DZANK1: variants seen among roughly 807,000 people sequenced by gnomAD.
DZANK1 encodes double zinc ribbon and ankyrin repeat-containing protein 1.
Under a neutral mutation model 94.5 loss-of-function variants are expected in DZANK1, and 91 were observed. The observed-to-expected ratio is 0.96, with a 90% CI of 0.81 to 1.15. The LOEUF (loss-of-function observed/expected upper bound fraction) is 1.15, where lower values mean the gene tolerates loss of function less well. Ranked by LOEUF, DZANK1 falls within the 50% of genes most tolerant of loss-of-function variation. The probability of loss-of-function intolerance (pLI) is 0.00; values close to 1 mark genes in which losing one functional copy is unlikely to be tolerated. For synonymous variants in DZANK1, 312 were observed against 325.3 expected, an observed-to-expected ratio of 0.96 and a Z score of 0.44; for missense variants, 903 against 916.4, an observed-to-expected ratio of 0.99 and a Z score of 0.19.
In DZANK1 at chr20:18,433,930, A is replaced by G. The variant is rs114347308; in HGVS notation, c.748-165T>C. 1.4e-3 allele frequency: 792 copies of G among 572,552 alleles called. 7 individuals are homozygous for G. Among genetic ancestry groups the G allele is most frequent in the African/African-American group, 0.012 (662 of 53,678 alleles). The allele number at this position is 572,552 out of a possible 1,614,324, so 35.5% of individuals were successfully genotyped here. A position where few individuals can be genotyped will look rare whatever the true frequency, so the allele number is the denominator to read the frequency against. On this transcript the variant is annotated intron_variant, in intron 8 of 20. Transcript: ENST00000262547. The stretch of plus-strand genomic sequence containing the variant: ...GGCTTGGTTAGTACTTGGTGGAAGA[A>G]TGTAAAGTTTGATTTGTTTTTGTAA...
intron 13 of DZANK1, among the ~76,000 whole-genome samples, chr20:18,399,720 T>C (rs2056567460): frequency 6.6e-6 from 1 of 152,186 alleles, no homozygotes; most frequent in Non-Finnish European, 1.5e-5. Flanking sequence ...TGGTGCCCGG[T>C]TTCTCATATG....
intron 18 of DZANK1, 47 bp from the exon 19 acceptor site, chr20:18,389,875 A>G (rs779343677): frequency 2.2e-5 from 35 of 1,608,428 alleles, no homozygotes; most frequent in African/African-American, 4.0e-5. Flanking sequence ...CCCTGCACTC[A>G]ACAGCATCCA....
In DZANK1 at chr20:18,420,005, C is replaced by A. The variant is rs369935256; in HGVS notation, c.955-4556G>T. On this transcript the variant is annotated intron_variant, in intron 10 of 20. Transcript: ENST00000262547. ...CACCTTTCTAGCCAATTGTACTCTG[C>A]AGAAAACATGCAGCTTCTCTGACAT... Among the ~76,000 whole-genome samples, 20 of 151,962 alleles carry A rather than the reference C, an allele frequency of 1.3e-4. 1 individual carries two copies. The East Asian group carries it at 1.7e-3, about 13-fold the overall frequency.
rs4814747 is a variant in DZANK1, at chr20:18,426,582, C to T, written c.954+485G>A. On this transcript the variant is annotated intron_variant, in intron 10 of 20. Coordinates refer to ENST00000262547, the Ensembl canonical transcript of DZANK1. ...TTATAAACATAAAATAGATCATCACCGTATTTAAAGTGCATATACTCGTAT... is the reference window on the plus strand; with the variant it reads ...TTATAAACATAAAATAGATCATCACTGTATTTAAAGTGCATATACTCGTAT... Among the ~76,000 whole-genome samples, 365 of 152,202 alleles carry T rather than the reference C, an allele frequency of 2.4e-3. 5 individuals are homozygous for T. Among genetic ancestry groups the T allele is most frequent in the Admixed American group, 0.02 (303 of 15,276 alleles).
chr20:18,389,611 G>T, intron 19 of DZANK1, 90 bp downstream of exon 19: 1 of 1,530,426 alleles, frequency 6.5e-7, no homozygotes, highest in Non-Finnish European at 8.9e-7. Context: ...AACTGAACAG[G>T]GTGTGTGTGT....
At chr20:18,460,491 A>G (rs575856835) in intron 2 of DZANK1, among the ~76,000 whole-genome samples, 185 bp from the exon 3 acceptor site, 87 of 152,348 alleles carry the variant, frequency 5.7e-4, no homozygotes, top group African/African-American at 2.0e-3. Flanking sequence ...GCACTTTGGG[A>G]GGCCGAGGCG....
At chr20:18,398,212 T>A (rs1044775319) in intron 14 of DZANK1, 5 of 353,208 alleles carry the variant, frequency 1.4e-5, no homozygotes, top group Non-Finnish European at 2.7e-5. Context: ...AAGTGCACGA[T>A]CTGGATGGAT....
At chr20:18,412,972 A>T (rs1386693497) in intron 12 of DZANK1, 119 bp from the exon 13 acceptor site, 36 of 962,842 alleles carry the variant, frequency 3.7e-5, no homozygotes, top group Non-Finnish European at 5.0e-5. Flanking sequence ...GTGTACTTGG[A>T]ACTAATAGGG....
intron 2 of DZANK1, among the ~76,000 whole-genome samples, chr20:18,462,635 T>A (rs897441580): frequency 2.0e-5 from 3 of 152,174 alleles, no homozygotes; most frequent in African/African-American, 7.2e-5. Context: ...GGGACACTTA[T>A]ACACTATTGG....
chr20:18,427,005 AT>A, intron 10 of DZANK1, 61 bp downstream of exon 10: 1 of 1,253,608 alleles, frequency 8.0e-7, no homozygotes, highest in Non-Finnish European at 1.1e-6. Context: ...CTGTTTCTCT[AT>A]TATCATTAAC....
At chr20:18,460,425 GT>G (rs1352410044) in intron 2 of DZANK1, 119 bp from the exon 3 acceptor site, 19 of 834,262 alleles carry the variant, frequency 2.3e-5, no homozygotes, top group Non-Finnish European at 3.2e-5. Context: ...TGTGATTTAA[GT>G]TAAGATTTAA....
intron 7 of DZANK1, 94 bp downstream of exon 7, chr20:18,448,890 G>T: frequency 4.2e-6 from 4 of 958,270 alleles, no homozygotes; most frequent in African/African-American, 1.7e-5. Context: ...AAAAAAAGTT[G>T]GAGGTGGGCA....
rs1568567401 is a variant in DZANK1, at chr20:18,465,393, CAT to C, written c.-19-18_-19-17del. 6.9e-5 allele frequency: 76 copies of C among 1,104,632 alleles called. No individual in the cohort carries two copies. Among genetic ancestry groups the C allele is most frequent in the Middle Eastern group, 6.5e-4 (3 of 4,594 alleles). 68.4% of individuals were successfully genotyped at this position (1,104,632 alleles called of 1,614,324 possible). Reference sequence around the variant, plus strand: ...CTCTCTCTCTCTCTATATATATATACATATAAATTCCAATGTACACAAAAGCT... The same window carrying C: ...CTCTCTCTCTCTCTATATATATATACATAAATTCCAATGTACACAAAAGCT... On this transcript the variant is annotated splice_polypyrimidine_tract_variant and intron_variant, in intron 1 of 20. Coordinates refer to ENST00000262547, the Ensembl canonical transcript of DZANK1.
chr20:18,452,511 G>C, intron 6 of DZANK1, 104 bp downstream of exon 6: 1 of 1,326,478 alleles, frequency 7.5e-7, no homozygotes. Context: ...ACAGTGCCTG[G>C]CACATGGTCA....
At chr20:18,414,651 A>T (rs568907832) in intron 11 of DZANK1, 139 bp from the exon 12 acceptor site, 2 of 1,047,280 alleles carry the variant, frequency 1.9e-6, no homozygotes, top group Non-Finnish European at 2.7e-6. Flanking sequence ...CTACAGATGG[A>T]CAAGTACAGA....
exon 21 of DZANK1, chr20:18,384,430 T>C (rs1192946833): frequency 6.2e-7 from 1 of 1,611,844 alleles, no homozygotes. Context: ...GCTCCTAGTT[T>C]GAGCGAGTTG....
In DZANK1 at chr20:18,427,106, G is replaced by C; in HGVS notation, c.915C>G (p.Tyr305Ter). ...GCAGGGCCCCCTCACAGGTGACACA[G>C]TATCTCAGGTGAGCAGGATTTCCTG... Residue 305 changes from tyrosine to a stop codon, truncating the protein, a stop_gained, in exon 10 of 21, where the codon TAC becomes TAG. Coordinates refer to ENST00000262547, the Ensembl canonical transcript of DZANK1. LOFTEE classifies it high-confidence loss of function. The C allele has an allele frequency of 1.2e-6, 2 of 1,612,944 alleles. No homozygotes were observed. The highest frequency in any genetic ancestry group is 1.7e-6 in the Non-Finnish European group (2 of 1,179,228).
chr20:18,462,638 A>G (rs577244699), intron 2 of DZANK1, among the ~76,000 whole-genome samples: 96 of 152,314 alleles, frequency 6.3e-4, no homozygotes, highest in African/African-American at 2.3e-3. Context: ...ACACTTATAC[A>G]CTATTGGCAG....
At chr20:18,422,814 T>TTTTTTTC (rs1555871246) in intron 10 of DZANK1, among the ~76,000 whole-genome samples, 4 of 150,906 alleles carry the variant, frequency 2.7e-5, no homozygotes, top group Non-Finnish European at 5.9e-5. Flanking sequence ...TTTTTTTTTT[T>TTTTTTTC]CTCAAAATTG....
Sources: allele counts gnomAD v4.1 joint callset (sites outside exome capture counted in the v4.1 genomes callset), GRCh38; gene constraint gnomAD v4.1.1; transcripts MANE v1.5; gene names NCBI Gene and HGNC (gene_info 2026-07-23, HGNC 2026-07-21).